The following BBS9 variants were observed in gnomAD, a reference collection of about 807,000 sequenced individuals.
BBS9 encodes Bardet-Biedl syndrome 9, also known as protein PTHB1.
Under a neutral mutation model 117.7 loss-of-function variants are expected in BBS9, and 89 were observed. The ratio of observed to expected loss-of-function variants is 0.76; its 90% CI spans 0.64 to 0.90. The LOEUF (loss-of-function observed/expected upper bound fraction) is 0.90, where lower values mean the gene tolerates loss of function less well. Among genes scored for constraint, BBS9 ranks in the 40% least tolerant of loss-of-function variants. The pLI is 0.00. For synonymous variants in BBS9, 379 were observed against 370.9 expected, an observed-to-expected ratio of 1.02 and a Z score of -0.25; for missense variants, 982 against 1,042.2, an observed-to-expected ratio of 0.94 and a Z score of 0.80.
intron 5 of BBS9, among the ~76,000 whole-genome samples, chr7:33,222,739 G>A (rs1300423643): frequency 6.6e-6 from 1 of 151,802 alleles, no homozygotes; most frequent in Non-Finnish European, 1.5e-5. Flanking sequence ...CTTTAGGCCA[G>A]GAGTTTGAGA....
intron 9 of BBS9, among the ~76,000 whole-genome samples, chr7:33,331,533 AG>A (rs1814039960): frequency 6.6e-6 from 1 of 152,128 alleles, no homozygotes; most frequent in South Asian, 2.1e-4. Flanking sequence ...TCATCCAAAA[AG>A]CTCTTAGATC....
At chr7:33,136,001 G>T (rs1790404325) in intron 1 of BBS9, among the ~76,000 whole-genome samples, 1 of 151,566 alleles carries the variant, frequency 6.6e-6, no homozygotes, top group Non-Finnish European at 1.5e-5. Context: ...ACAGCTCACT[G>T]TAATCTTGAA....
rs1420156 is a variant in BBS9, at chr7:33,243,561, A to C, written c.443-13675A>C. Reference sequence around the variant, plus strand: ...ACTCTTAGAGTAGTGAGATTTTAACAAGTCAGAATATTTATGGAAAATGTC... The same window carrying C: ...ACTCTTAGAGTAGTGAGATTTTAACCAGTCAGAATATTTATGGAAAATGTC... On this transcript the variant is annotated intron_variant, in intron 5 of 22. Coordinates refer to ENST00000242067, the MANE Select transcript of BBS9 (RefSeq NM_198428.3). Among the ~76,000 whole-genome samples the C allele has an allele frequency of 2.7e-3, 415 of 152,324 alleles. 1 individual carries two copies. Among genetic ancestry groups the C allele is most frequent in the African/African-American group, 9.7e-3 (404 of 41,572 alleles).
intron 5 of BBS9, among the ~76,000 whole-genome samples, chr7:33,212,010 G>A (rs769668705): frequency 2.0e-5 from 3 of 151,938 alleles, no homozygotes; most frequent in Admixed American, 2.0e-4. Flanking sequence ...TTTCTGTATC[G>A]TTGACCTTCA....
chr7:33,343,288 A>G (rs986969998), intron 11 of BBS9, among the ~76,000 whole-genome samples: 1 of 152,188 alleles, frequency 6.6e-6, no homozygotes, highest in Non-Finnish European at 1.5e-5. Flanking sequence ...TTATTCTATC[A>G]TAGAGCATTT....
chr7:33,503,274 C>T (rs1845696468), intron 19 of BBS9, among the ~76,000 whole-genome samples: 1 of 152,170 alleles, frequency 6.6e-6, no homozygotes, highest in Admixed American at 6.5e-5. Flanking sequence ...TTTGCACACC[C>T]TGCGTACAGT....
intron 4 of BBS9, among the ~76,000 whole-genome samples, chr7:33,160,685 T>TG (rs2128124873): frequency 6.6e-6 from 1 of 152,252 alleles, no homozygotes; most frequent in South Asian, 2.1e-4. Flanking sequence ...GTTCCAAGAG[T>TG]GGAGGGGCCC....
chr7:33,383,967 T>A, intron 18 of BBS9, 129 bp downstream of exon 18: 1 of 975,500 alleles, frequency 1.0e-6, no homozygotes, highest in South Asian at 1.7e-5. Flanking sequence ...ATGTGGATGG[T>A]GGATTTCGTG....
chr7:33,227,335 A>G (rs1301865254), intron 5 of BBS9, among the ~76,000 whole-genome samples: 1 of 152,026 alleles, frequency 6.6e-6, no homozygotes, highest in Non-Finnish European at 1.5e-5. Context: ...TTTAGTAGAG[A>G]TGGGGTTTCA....
chr7:33,248,017 G>A (rs900067297), intron 5 of BBS9, among the ~76,000 whole-genome samples: 4 of 152,104 alleles, frequency 2.6e-5, no homozygotes, highest in African/African-American at 7.2e-5. Flanking sequence ...CCTAGTAATG[G>A]TCTTTGTGAG....
intron 4 of BBS9, among the ~76,000 whole-genome samples, chr7:33,161,583 G>C (rs1261275030): frequency 6.6e-6 from 1 of 152,158 alleles, no homozygotes; most frequent in African/African-American, 2.4e-5. Context: ...AAAAACATAC[G>C]TATACATGTG....
rs1489812911 is a variant in BBS9, at chr7:33,611,649, A to G, written c.2522-23528A>G. On this transcript the variant is annotated intron_variant, in intron 21 of 21. Transcript: ENST00000671952. Reference sequence around the variant, plus strand: ...TTAATAATATTATTATATAAGGTATATTATATATTAAATGATTGATATTTA... The same window carrying G: ...TTAATAATATTATTATATAAGGTATGTTATATATTAAATGATTGATATTTA... Among the ~76,000 whole-genome samples the G allele has an allele frequency of 9.6e-4, 103 of 107,056 alleles. 1 individual carries two copies. The highest frequency in any genetic ancestry group is 5.7e-3 in the African/African-American group (96 of 16,900). The allele number at this position is 107,056 out of a possible 152,430, so 70.2% of individuals were successfully genotyped here.
intron 6 of BBS9, 130 bp from the exon 7 acceptor site, chr7:33,264,160 T>C (rs1018752999): frequency 1.7e-5 from 7 of 406,654 alleles, no homozygotes; most frequent in African/African-American, 1.0e-4. Flanking sequence ...TCTTAAATTT[T>C]AGAGTTTTTA....
chr7:33,406,462 T>G (rs1830014860), intron 19 of BBS9, among the ~76,000 whole-genome samples: 1 of 152,182 alleles, frequency 6.6e-6, no homozygotes, highest in East Asian at 1.9e-4. Flanking sequence ...TATGTGTGAA[T>G]TTGATCCTGT....
intron 5 of BBS9, among the ~76,000 whole-genome samples, chr7:33,234,226 AAAC>A (rs1793037180): frequency 6.6e-6 from 1 of 152,082 alleles, no homozygotes; most frequent in Non-Finnish European, 1.5e-5. Context: ...GTATAGGAAA[AAAC>A]AGTGTGTGTA....
chr7:33,528,466 T>A (rs1323632991), intron 20 of BBS9, among the ~76,000 whole-genome samples: 1 of 152,244 alleles, frequency 6.6e-6, no homozygotes, highest in Non-Finnish European at 1.5e-5. Context: ...TGGTAGTGTT[T>A]CTATTATAAA....
In BBS9 at chr7:33,155,708, A is replaced by AGTAGGT; in HGVS notation, c.328+6_328+7insGTAGGT. On this transcript the variant is annotated splice_region_variant and intron_variant, in intron 4 of 22. Transcript: ENST00000242067. The stretch of plus-strand genomic sequence containing the variant: ...TTGTGTCTACTCTGTCTCAGGTAAG[A>AGTAGGT]AATATTTTTACCAATGTAGAATTTA... 6 of 1,439,718 alleles carry AGTAGGT rather than the reference A, an allele frequency of 4.2e-6. No individual in the cohort carries two copies. The highest frequency in any genetic ancestry group is 5.8e-6 in the Non-Finnish European group (6 of 1,027,506). 89.2% of individuals were successfully genotyped at this position (1,439,718 alleles called of 1,614,324 possible).
chr7:33,179,104 T>G (rs1797742464), intron 5 of BBS9, among the ~76,000 whole-genome samples: 1 of 152,230 alleles, frequency 6.6e-6, no homozygotes, highest in Non-Finnish European at 1.5e-5. Flanking sequence ...TTAGGGAACC[T>G]AGGCCTCCCT....
chr7:33,229,635 ACAGTTTCTTTATC>A (rs1176073848), intron 5 of BBS9, among the ~76,000 whole-genome samples: 1 of 152,148 alleles, frequency 6.6e-6, no homozygotes, highest in Non-Finnish European at 1.5e-5. Context: ...ACTATATACC[ACAGTTTCTTTATC>A]CATTTGTCCA....
Sources: allele counts gnomAD v4.1 joint callset (sites outside exome capture counted in the v4.1 genomes callset), GRCh38; gene constraint gnomAD v4.1.1; transcripts MANE v1.5; gene names NCBI Gene and HGNC (gene_info 2026-07-23, HGNC 2026-07-21).